AFF2: variants seen among roughly 807,000 people sequenced by gnomAD.
AFF2 encodes ALF transcription elongation factor 2.
AFF2 carries 14 observed loss-of-function variants against 76.9 expected under a neutral mutation model. The observed-to-expected ratio is 0.18, with a 90% CI of 0.12 to 0.28. The LOEUF is 0.28. AFF2 is among the 10% of genes least tolerant of loss of function. The probability of loss-of-function intolerance (pLI) is 1.00; values close to 1 mark genes in which losing one functional copy is unlikely to be tolerated. For synonymous variants in AFF2, 398 were observed against 366.7 expected (o/e 1.09, Z -0.98); for missense variants, 868 against 1,001.1 (o/e 0.87, Z 1.79).
intron 1 of AFF2, among the ~76,000 whole-genome samples, chrX:148,574,979 T>C (rs1487981455): frequency 1.1e-5 from 1 of 92,618 alleles, no homozygotes; most frequent in Admixed American, 1.1e-4. Flanking sequence ...TGTGTGTGTG[T>C]GTGTGTGAGA....
Position 148,652,068 on chromosome X carries a change from A to G in AFF2, c.117A>G (p.Gln39=). 2 of 1,202,573 alleles carry G rather than the reference A, an allele frequency of 1.7e-6. No homozygotes were observed. The highest frequency in any genetic ancestry group is 2.3e-6 in the Non-Finnish European group (2 of 887,147). ...EWERRNQEVQ[Q]EDDLFSSGFD... The stretch of plus-strand genomic sequence containing the variant: ...AGCGGAGGAATCAAGAAGTCCAGCA[A>G]GAAGACGATCTCTTTTCTTCAGGCT... Residue 39 remains glutamine (Q), a synonymous_variant, in exon 2 of 21, where the codon CAA becomes CAG. Coordinates refer to ENST00000370460, the MANE Select transcript of AFF2 (RefSeq NM_002025.4).
intron 2 of AFF2, among the ~76,000 whole-genome samples, chrX:148,653,762 G>A (rs2083401387): frequency 8.9e-6 from 1 of 111,803 alleles, no homozygotes; most frequent in African/African-American, 3.3e-5. Flanking sequence ...CATGTGGGGA[G>A]TATGGAATAA....
chrX:148,982,572 C>CA (rs2072408352), intron 19 of AFF2, among the ~76,000 whole-genome samples: 1 of 112,087 alleles, frequency 8.9e-6, no homozygotes, highest in African/African-American at 3.2e-5. Context: ...AGGGCTCTCA[C>CA]AGCACCTTCC....
chrX:148,616,620 AC>A (rs1339600319), intron 1 of AFF2, among the ~76,000 whole-genome samples: 9 of 110,426 alleles, frequency 8.2e-5, no homozygotes, highest in African/African-American at 3.0e-4. Flanking sequence ...CATGTGCACA[AC>A]GTGAAGGTTT....
intron 3 of AFF2, among the ~76,000 whole-genome samples, chrX:148,666,691 A>G (rs2054364426): frequency 8.9e-6 from 1 of 111,769 alleles, no homozygotes; most frequent in African/African-American, 3.3e-5. Context: ...CAAAATGCTG[A>G]TGTGTTCTGC....
rs782733571 is a variant in AFF2 at position 148,662,600 on chromosome X, C to T, written c.873C>T (p.Pro291=). The change falls in exon 3 of 21, where the codon CCC becomes CCT. Residue 291 remains proline, a synonymous_variant. Transcript: ENST00000370460. ...GQQKPTAYVR[P]MDGQDQAPDI... is the part of the protein sequence containing the mutation. ...AAAAGCCAACTGCATACGTCAGACC[C>T]ATGGATGGCCAGGACCAGGCACCGG... The T allele has an allele frequency of 1.7e-5, 21 of 1,209,723 alleles. No individual in the cohort carries two copies. The Admixed American group carries it at 2.4e-4, about 14-fold the overall frequency.
intron 1 of AFF2, among the ~76,000 whole-genome samples, chrX:148,546,180 C>T (rs1010690737): frequency 1.8e-5 from 2 of 111,492 alleles, no homozygotes; most frequent in Non-Finnish European, 3.8e-5. Flanking sequence ...CTTGCTGAAT[C>T]TTTTTCTTCC....
intron 19 of AFF2, among the ~76,000 whole-genome samples, chrX:148,986,001 T>C (rs907818845): frequency 3.7e-5 from 4 of 107,685 alleles, no homozygotes; most frequent in Non-Finnish European, 1.9e-5. Flanking sequence ...TATGCTACAA[T>C]TGCTGTTTCC....
At chrX:148,681,752 A>ACTTC (rs1557259983) in intron 3 of AFF2, among the ~76,000 whole-genome samples, 2 of 110,529 alleles carry the variant, frequency 1.8e-5, no homozygotes, top group African/African-American at 6.6e-5. Context: ...AGAAAGAGGA[A>ACTTC]CGGAATGTTA....
intron 1 of AFF2, among the ~76,000 whole-genome samples, chrX:148,524,061 T>C (rs1557234867): frequency 3.7e-5 from 4 of 108,992 alleles, no homozygotes; most frequent in Non-Finnish European, 7.7e-5. Flanking sequence ...TCGGTACTGA[T>C]GTACAGCTTT....
intron 3 of AFF2, among the ~76,000 whole-genome samples, chrX:148,725,732 C>T (rs1181793536): frequency 9.0e-6 from 1 of 111,695 alleles, no homozygotes; most frequent in Non-Finnish European, 1.9e-5. Context: ...GATTTTTTCT[C>T]CAAAAGACAA....
intron 1 of AFF2, among the ~76,000 whole-genome samples, chrX:148,557,666 C>G (rs144539984): frequency 1.7e-4 from 19 of 112,436 alleles, no homozygotes; most frequent in African/African-American, 6.1e-4. Flanking sequence ...GATTAAATTT[C>G]TAACTTTGGG....
intron 1 of AFF2, among the ~76,000 whole-genome samples, chrX:148,633,848 C>T (rs1055899664): frequency 3.6e-5 from 4 of 112,446 alleles, no homozygotes; most frequent in Non-Finnish European, 7.5e-5. Flanking sequence ...GTTTACAAAC[C>T]ACATGATATA....
chrX:148,976,093 A>T (rs1316460189), intron 16 of AFF2, among the ~76,000 whole-genome samples: 1 of 110,997 alleles, frequency 9.0e-6, no homozygotes, highest in Non-Finnish European at 1.9e-5. Flanking sequence ...ATTATATGCT[A>T]TTTTACTTCC....
chrX:148,899,817 T>C (rs1359681520), intron 8 of AFF2, among the ~76,000 whole-genome samples: 1 of 111,342 alleles, frequency 9.0e-6, no homozygotes, highest in Non-Finnish European at 1.9e-5. Flanking sequence ...AATGTTCACT[T>C]TGACAGTCTC....
At chrX:148,508,848 T>C (rs1054295844) in intron 1 of AFF2, among the ~76,000 whole-genome samples, 2 of 111,216 alleles carry the variant, frequency 1.8e-5, no homozygotes, top group African/African-American at 6.5e-5. Context: ...GTTAATCAGG[T>C]CGTAGAAGCT....
intron 1 of AFF2, among the ~76,000 whole-genome samples, chrX:148,515,222 G>A (rs1009477812): frequency 8.9e-6 from 1 of 111,859 alleles, no homozygotes; most frequent in Non-Finnish European, 1.9e-5. Flanking sequence ...TATCTTGCAG[G>A]CTGTTTGACT....
rs1184024301 is a variant in AFF2, at chrX:148,514,207, A to G, written c.47+13063A>G. Among the ~76,000 whole-genome samples the G allele has an allele frequency of 2.7e-5, 3 of 112,192 alleles. No individual in the cohort carries two copies. The Admixed American group carries it at 2.8e-4, about 11-fold the overall frequency. ...AAACCACAGAAGTATAAATACCAGT[A>G]ATGAAAAGTTCAATGCAAAGAGGAA... On this transcript the variant is annotated intron_variant, in intron 1 of 20. Coordinates refer to ENST00000370460, the MANE Select transcript of AFF2 (RefSeq NM_002025.4).
At chrX:148,962,589 T>C (rs1398320325) in intron 12 of AFF2, 126 bp from the exon 13 acceptor site, 2 of 501,945 alleles carry the variant, frequency 4.0e-6, no homozygotes, top group Non-Finnish European at 6.5e-6. Flanking sequence ...TTAGATATGC[T>C]CTTCACCATA....
Sources: allele counts gnomAD v4.1 joint callset (sites outside exome capture counted in the v4.1 genomes callset), GRCh38; gene constraint gnomAD v4.1.1; transcripts MANE v1.5; gene names NCBI Gene and HGNC (gene_info 2026-07-23, HGNC 2026-07-21).